MRTFA: variants seen among roughly 807,000 people sequenced by gnomAD.
MRTFA encodes the protein myocardin-related transcription factor A.
In MRTFA, 20 loss-of-function variants were observed where a neutral mutation model predicts 83.5. That is an observed-to-expected ratio of 0.24 (90% CI 0.17 to 0.35). The LOEUF (loss-of-function observed/expected upper bound fraction) is 0.35. MRTFA is among the 10% of genes least tolerant of loss of function. The pLI is 1.00. For synonymous variants in MRTFA, 659 were observed against 541.2 expected, an observed-to-expected ratio of 1.22 and a Z score of -3.02; for missense variants, 1,200 against 1,224.7, an observed-to-expected ratio of 0.98 and a Z score of 0.30.
chr22:40,595,461 C>T (rs935609006), intron 1 of MRTFA, among the ~76,000 whole-genome samples: 25 of 151,996 alleles, frequency 1.6e-4, no homozygotes, highest in African/African-American at 6.0e-4. Flanking sequence ...TCTCTACCAC[C>T]GTAGGTGGGT....
At chr22:40,417,071 A>G (rs907957956) in intron 13 of MRTFA, 25 bp from the exon 14 acceptor site, 17 of 1,561,710 alleles carry the variant, frequency 1.1e-5, no homozygotes, top group Middle Eastern at 1.7e-4. Context: ...AAAAAAAAAA[A>G]AGAGATAAAA....
intron 1 of MRTFA, among the ~76,000 whole-genome samples, chr22:40,610,210 C>G (rs1037143795): frequency 7.2e-5 from 11 of 151,860 alleles, no homozygotes; most frequent in Admixed American, 5.9e-4. Flanking sequence ...CCATGCCCAG[C>G]TAATATTTTA....
At chr22:40,459,144 G>C (rs1415677246) in intron 4 of MRTFA, among the ~76,000 whole-genome samples, 2 of 150,744 alleles carry the variant, frequency 1.3e-5, no homozygotes, top group Non-Finnish European at 3.0e-5. Context: ...AGGATGACGG[G>C]GTGTTGGGGC....
chr22:40,425,163 G>T (rs1016157130), intron 7 of MRTFA, among the ~76,000 whole-genome samples: 1 of 152,266 alleles, frequency 6.6e-6, no homozygotes, highest in Non-Finnish European at 1.5e-5. Context: ...AGGCCAACTG[G>T]AAGCAGAGGC....
chr22:40,521,313 T>C (rs2054861717), intron 3 of MRTFA, among the ~76,000 whole-genome samples: 1 of 152,192 alleles, frequency 6.6e-6, no homozygotes, highest in African/African-American at 2.4e-5. Flanking sequence ...CTGTGCTTCA[T>C]ATCTATAATT....
At chr22:40,550,087 T>C (rs1216512790) in intron 3 of MRTFA, among the ~76,000 whole-genome samples, 1 of 149,990 alleles carries the variant, frequency 6.7e-6, no homozygotes, top group Non-Finnish European at 1.5e-5. Context: ...AAAGATGAGA[T>C]TGATAGATAT....
At chr22:40,518,560 G>A (rs575117166) in intron 3 of MRTFA, among the ~76,000 whole-genome samples, 5 of 151,944 alleles carry the variant, frequency 3.3e-5, no homozygotes, top group South Asian at 2.1e-4. Context: ...TTGGGAGGCC[G>A]AGGTGGGCGG....
chr22:40,594,244 T>C (rs549757529), intron 2 of MRTFA, among the ~76,000 whole-genome samples: 5 of 152,364 alleles, frequency 3.3e-5, no homozygotes, highest in African/African-American at 1.2e-4. Flanking sequence ...GCATTTAGTC[T>C]ACCATTCACA....
intron 1 of MRTFA, among the ~76,000 whole-genome samples, chr22:40,604,425 C>T (rs961877500): frequency 1.3e-5 from 2 of 151,718 alleles, no homozygotes; most frequent in East Asian, 2.0e-4. Flanking sequence ...CCACCGTACC[C>T]GGCCCTAAAA....
intron 1 of MRTFA, among the ~76,000 whole-genome samples, chr22:40,596,791 C>T (rs181275227): frequency 1.9e-4 from 29 of 152,006 alleles, no homozygotes; most frequent in Non-Finnish European, 3.8e-4. Context: ...GGTAACAGAG[C>T]GAGACTCCAT....
At chr22:40,622,210 G>A (rs887783667) in intron 1 of MRTFA, among the ~76,000 whole-genome samples, 16 of 152,128 alleles carry the variant, frequency 1.1e-4, no homozygotes, top group African/African-American at 2.7e-4. Flanking sequence ...GGCCGGGCGC[G>A]GTGGCTCACG....
In MRTFA at chr22:40,411,742, T is replaced by G. The variant is rs2052545336; in HGVS notation, c.2744A>C (p.Glu915Ala). Residue 915 changes from glutamate (E) to alanine (A), a missense_variant, in exon 15 of 15, where the codon GAG (glutamate) becomes GCG (alanine). Transcript: ENST00000355630. ...CCCCGTGCTGCTCTCCAGGAAGTCC[T>G]CCAGGCGTCCAGGGAGGGAGGGTGA... 6.5e-7 allele frequency: 1 copy of G among 1,548,074 alleles called. No individual in the cohort carries two copies. Among genetic ancestry groups the G allele is most frequent in the African/African-American group, 1.4e-5 (1 of 73,654 alleles).
In MRTFA at chr22:40,418,614, G is replaced by A. The variant is rs1388511193; in HGVS notation, c.2124C>T (p.His708=). 6.5e-7 allele frequency: 1 copy of A among 1,535,654 alleles called. No individual in the cohort carries two copies. Among genetic ancestry groups the A allele is most frequent in the Non-Finnish European group, 8.7e-7 (1 of 1,147,482 alleles). The change falls in exon 12 of 15, where the codon CAC becomes CAT. Residue 708 remains histidine (H), a synonymous_variant. Coordinates refer to ENST00000355630, the MANE Select transcript of MRTFA (RefSeq NM_020831.6). ...CCGGGGCCACAGCACAAGGGTCTATGTGGTTGGTGGCTGGGGCCGCCAGGC... is the reference window on the plus strand; with the variant it reads ...CCGGGGCCACAGCACAAGGGTCTATATGGTTGGTGGCTGGGGCCGCCAGGC...
At chr22:40,554,932 T>C (rs1052400438) in intron 2 of MRTFA, among the ~76,000 whole-genome samples, 4 of 152,146 alleles carry the variant, frequency 2.6e-5, no homozygotes, top group Non-Finnish European at 5.9e-5. Context: ...GAGTCAAGGA[T>C]TGTTTTGGAG....
chr22:40,435,441 T>G lies in MRTFA; in HGVS notation c.363+58A>C, dbSNP rs1371542131. 5.2e-6 allele frequency: 8 copies of G among 1,528,790 alleles called. No homozygotes were observed. In the East Asian group the frequency reaches 1.8e-4, roughly 34 times the overall value. 94.7% of individuals were successfully genotyped at this position (1,528,790 alleles called of 1,614,324 possible). A position where few individuals can be genotyped will look rare whatever the true frequency, so the allele number is the denominator to read the frequency against. ...CTCTAAATGGAAATATAACCAGCAA[T>G]GCAATGAGCTCTGAAAATGCTCTTT... On this transcript the variant is annotated intron_variant, in intron 5 of 14. Coordinates refer to ENST00000355630, the MANE Select transcript of MRTFA (RefSeq NM_020831.6).
intron 4 of MRTFA, among the ~76,000 whole-genome samples, chr22:40,441,818 GTA>G (rs1188052407): frequency 1.4e-4 from 19 of 138,000 alleles, no homozygotes; most frequent in East Asian, 3.0e-4. Flanking sequence ...GTATGTATGT[GTA>G]TATATATATA....
At chr22:40,570,238 G>T (rs2055769077) in intron 2 of MRTFA, among the ~76,000 whole-genome samples, 1 of 152,056 alleles carries the variant, frequency 6.6e-6, no homozygotes, top group African/African-American at 2.4e-5. Context: ...CAAGCCAAAG[G>T]ACATGAATAA....
chr22:40,619,267 A>G (rs2056490665), intron 1 of MRTFA, among the ~76,000 whole-genome samples: 1 of 152,144 alleles, frequency 6.6e-6, no homozygotes. Context: ...AGTGAAAACT[A>G]AAGTAGAGAA....
At chr22:40,550,062 AAAAAAAT>A (rs1183715915) in intron 3 of MRTFA, among the ~76,000 whole-genome samples, 1 of 107,944 alleles carries the variant, frequency 9.3e-6, no homozygotes, top group Non-Finnish European at 2.0e-5. Context: ...AAAAAAAAAA[AAAAAAAT>A]TAAATTTAAA....
Sources: allele counts gnomAD v4.1 joint callset (sites outside exome capture counted in the v4.1 genomes callset), GRCh38; gene constraint gnomAD v4.1.1; transcripts MANE v1.5; gene names NCBI Gene and HGNC (gene_info 2026-07-23, HGNC 2026-07-21).